ATP6AP2: variants seen among roughly 807,000 people sequenced by gnomAD.
The protein encoded by ATP6AP2 is renin receptor.
Under a neutral mutation model 23.4 loss-of-function variants are expected in ATP6AP2, and 1 was observed. The observed-to-expected ratio is 0.04, with a 90% CI of 0.02 to 0.20. ATP6AP2 has a LOEUF of 0.20. ATP6AP2 is among the 10% of genes least tolerant of loss of function. The pLI is 1.00. For missense variants in ATP6AP2, 174 were observed against 271.3 expected (o/e 0.64, Z 2.52); for synonymous variants, 90 against 97.1 (o/e 0.93, Z 0.43).
At chrX:40,591,814 C>A in intron 3 of ATP6AP2, 1 of 166,123 alleles carries the variant, frequency 6.0e-6, no homozygotes, top group Non-Finnish European at 1.2e-5. Context: ...CTGTGCTGAT[C>A]TAAGAGGCCC....
intron 1 of ATP6AP2, among the ~76,000 whole-genome samples, chrX:40,583,271 C>T (rs1186463854): frequency 1.8e-5 from 2 of 111,558 alleles, no homozygotes; most frequent in African/African-American, 6.5e-5. Context: ...TTCCATCCAC[C>T]ATTCGTAGAC....
intron 1 of ATP6AP2, among the ~76,000 whole-genome samples, chrX:40,584,083 G>A (rs930778626): frequency 9.0e-6 from 1 of 111,441 alleles, no homozygotes; most frequent in African/African-American, 3.3e-5. Flanking sequence ...TATCCTTTTT[G>A]TTTTTGTTTT....
At chrX:40,581,432 G>A (rs930850767) in intron 1 of ATP6AP2, among the ~76,000 whole-genome samples, 2 of 112,907 alleles carry the variant, frequency 1.8e-5, no homozygotes, top group African/African-American at 6.4e-5. Context: ...AGTGAACTGG[G>A]ATTGAGTCGC....
intron 1 of ATP6AP2, among the ~76,000 whole-genome samples, chrX:40,588,342 C>G (rs959435671): frequency 8.4e-5 from 5 of 59,665 alleles, no homozygotes; most frequent in South Asian, 4.0e-3. Flanking sequence ...ATGCCCCCCC[C>G]CCCCCCCAAC....
intron 6 of ATP6AP2, 23 bp downstream of exon 6, chrX:40,598,757 T>C (rs1451070193): frequency 3.4e-6 from 4 of 1,188,317 alleles, no homozygotes; most frequent in Middle Eastern, 2.9e-4. Flanking sequence ...CTCTAATTTT[T>C]TAATTCCATT....
chrX:40,595,290 G>A (rs1289684507), intron 3 of ATP6AP2, among the ~76,000 whole-genome samples: 2 of 111,438 alleles, frequency 1.8e-5, no homozygotes, highest in African/African-American at 6.5e-5. Context: ...AGATTCAGGG[G>A]CAAACCCCAC....
intron 3 of ATP6AP2, among the ~76,000 whole-genome samples, chrX:40,594,157 TATAAC>T (rs1382646938): frequency 7.1e-5 from 8 of 112,503 alleles, no homozygotes; most frequent in African/African-American, 1.9e-4. Flanking sequence ...TTTGTAAACT[TATAAC>T]AAAACATAAC....
At chrX:40,583,956 G>A (rs1926393038) in intron 1 of ATP6AP2, among the ~76,000 whole-genome samples, 1 of 111,873 alleles carries the variant, frequency 8.9e-6, no homozygotes, top group African/African-American at 3.3e-5. Flanking sequence ...CTCAGCCTGG[G>A]AGAGATGTAG....
Position 40,588,882 on chromosome X carries a change from G to A in ATP6AP2, c.38-104G>A, listed in dbSNP as rs140986900. ...ATTTTGACCAGTCATAATTTAATAC[G>A]CTAAGTCAGTGGTGAATGGGGAAAC... On this transcript the variant is annotated intron_variant, in intron 1 of 8. Coordinates refer to ENST00000636580, the MANE Select transcript of ATP6AP2 (RefSeq NM_005765.3). 4,798 of 918,809 alleles carry A rather than the reference G, an allele frequency of 5.2e-3. 11 individuals are homozygous for A. The highest frequency in any genetic ancestry group is 6.6e-3 in the Middle Eastern group (17 of 2,573). The allele number at this position is 918,809 out of a possible 1,213,427, so 75.7% of individuals were successfully genotyped here. A position where few individuals can be genotyped will look rare whatever the true frequency, so the allele number is the denominator to read the frequency against.
At chrX:40,595,087 C>G (rs1026846384) in intron 3 of ATP6AP2, among the ~76,000 whole-genome samples, 1 of 111,939 alleles carries the variant, frequency 8.9e-6, no homozygotes, top group Non-Finnish European at 1.9e-5. Context: ...AGAAGATTTT[C>G]TTTAAAATTA....
chrX:40,594,243 T>G (rs1439346594), intron 3 of ATP6AP2, among the ~76,000 whole-genome samples: 1 of 111,974 alleles, frequency 8.9e-6, no homozygotes, highest in African/African-American at 3.2e-5. Flanking sequence ...TTGGAAATAG[T>G]AACAAACAGA....
At chrX:40,598,943 C>T in intron 6 of ATP6AP2, 1 of 427,191 alleles carries the variant, frequency 2.3e-6, no homozygotes, top group Non-Finnish European at 4.1e-6. Context: ...TAGGGAGAGA[C>T]AACATATCTT....
intron 6 of ATP6AP2, 198 bp from the exon 7 acceptor site, chrX:40,599,394 G>A: frequency 4.4e-6 from 2 of 452,500 alleles, no homozygotes; most frequent in Non-Finnish European, 7.6e-6. Context: ...CTAAACATGA[G>A]ATTCGTGTTG....
chrX:40,602,736 G>A (rs1296312461), intron 8 of ATP6AP2, among the ~76,000 whole-genome samples: 1 of 106,507 alleles, frequency 9.4e-6, no homozygotes, highest in African/African-American at 3.4e-5. Flanking sequence ...TTGGTGCCTT[G>A]TGTGTGGGGG....
At chrX:40,603,813 T>C (rs1363661682) in intron 8 of ATP6AP2, among the ~76,000 whole-genome samples, 1 of 111,763 alleles carries the variant, frequency 8.9e-6, no homozygotes, top group Non-Finnish European at 1.9e-5. Flanking sequence ...CAATCATAGC[T>C]CACTGTAGCC....
In ATP6AP2 at chrX:40,606,427, T is replaced by TA. The variant is rs1443068022; in HGVS notation, c.*672_*673insA. The TA allele has an allele frequency of 8.0e-5, 9 of 112,381 alleles. No individual in the cohort carries two copies. The highest frequency in any genetic ancestry group is 2.6e-4 in the African/African-American group (8 of 30,850). 9.3% of individuals were successfully genotyped at this position (112,381 alleles called of 1,213,427 possible). A position where few individuals can be genotyped will look rare whatever the true frequency, so the allele number is the denominator to read the frequency against. ...TTGTGGAGTATATAGATGCTTTTCA[T>TA]TATACACACAAAAATCCCTGAGGGA... is the stretch of plus-strand genomic sequence containing the variant. On this transcript the variant is annotated 3_prime_UTR_variant, in exon 9 of 9. Transcript: ENST00000636580.
At chrX:40,594,975 A>G (rs1004855194) in intron 3 of ATP6AP2, among the ~76,000 whole-genome samples, 4 of 112,278 alleles carry the variant, frequency 3.6e-5, no homozygotes, top group Non-Finnish European at 7.5e-5. Context: ...CAGAGTAAAT[A>G]CACATAAAGT....
At chrX:40,583,261 T>C (rs142151739) in intron 1 of ATP6AP2, among the ~76,000 whole-genome samples, 4,183 of 111,561 alleles carry the variant, frequency 0.037, 70 homozygotes, top group South Asian at 0.14. Flanking sequence ...TTATTATTGA[T>C]TCCATCCACC....
At chrX:40,590,419 C>A (rs1195791892) in intron 2 of ATP6AP2, 1 of 111,186 alleles carries the variant, frequency 9.0e-6, no homozygotes, top group Non-Finnish European at 1.9e-5. Context: ...CGCTCTATCA[C>A]CCAAGCTAGA....
Sources: allele counts gnomAD v4.1 joint callset (sites outside exome capture counted in the v4.1 genomes callset), GRCh38; gene constraint gnomAD v4.1.1; transcripts MANE v1.5; gene names NCBI Gene and HGNC (gene_info 2026-07-23, HGNC 2026-07-21).